SDCCAG8: variants seen among roughly 807,000 people sequenced by gnomAD.
SDCCAG8 encodes serologically defined colon cancer antigen 8.
In SDCCAG8, 74 loss-of-function variants were observed where a neutral mutation model predicts 101.8. The observed-to-expected ratio is 0.73, with a 90% CI of 0.60 to 0.88. The LOEUF is 0.88. Ranked by LOEUF, SDCCAG8 falls within the 40% of genes least tolerant of loss-of-function variation. The probability of loss-of-function intolerance (pLI) is 0.00; values close to 1 mark genes in which losing one functional copy is unlikely to be tolerated. For synonymous variants in SDCCAG8, 281 were observed against 292.9 expected (o/e 0.96, Z 0.41); for missense variants, 787 against 822.6 (o/e 0.96, Z 0.53).
rs377338960 is a variant in SDCCAG8, at chr1:243,393,056, G to A, written c.1616+14193G>A. Among the ~76,000 whole-genome samples the A allele has an allele frequency of 5.3e-5, 8 of 152,314 alleles. No homozygotes were observed. In the East Asian group the frequency reaches 1.5e-3, roughly 29 times the overall value. Reference sequence around the variant, plus strand: ...TAACATGCCAGAGGGAGATTAATGTGGAGAGTAAAATCTGTGAGCAACAAA... The same window carrying A: ...TAACATGCCAGAGGGAGATTAATGTAGAGAGTAAAATCTGTGAGCAACAAA... On this transcript the variant is annotated intron_variant, in intron 13 of 17. Coordinates refer to ENST00000366541, the MANE Select transcript of SDCCAG8 (RefSeq NM_006642.5).
At chr1:243,300,898 A>AT (rs1056479648) in intron 6 of SDCCAG8, among the ~76,000 whole-genome samples, 2 of 152,050 alleles carry the variant, frequency 1.3e-5, no homozygotes, top group African/African-American at 2.4e-5. Context: ...ATGTACCAGA[A>AT]TTTTTTTTGA....
chr1:243,292,391 C>G (rs529936736), intron 5 of SDCCAG8, among the ~76,000 whole-genome samples: 1 of 152,230 alleles, frequency 6.6e-6, no homozygotes, highest in South Asian at 2.1e-4. Flanking sequence ...GTCAGAAACC[C>G]GGGACTAAGA....
intron 16 of SDCCAG8, chr1:243,476,123 A>G (rs999043969): frequency 1.0e-6 from 1 of 985,472 alleles, no homozygotes; most frequent in Non-Finnish European, 1.2e-6. Context: ...TGCTCTTTGC[A>G]GAATTCCTTT....
At position 243,270,259 on chromosome 1, in the gene SDCCAG8, T is replaced by C. The variant is rs757796329; in HGVS notation, c.220+2T>C. The C allele has an allele frequency of 8.7e-6, 14 of 1,613,804 alleles. No individual in the cohort carries two copies. In the East Asian group the frequency reaches 2.9e-4, roughly 33 times the overall value. ...CCGAATTACAACAGAGCCATGCTGGTGAGTGTGAATGTCAATCCTAGTCTG... is the reference window on the plus strand; with the variant it reads ...CCGAATTACAACAGAGCCATGCTGGCGAGTGTGAATGTCAATCCTAGTCTG... On this transcript the variant is annotated splice_donor_variant, in intron 2 of 17. Coordinates refer to ENST00000366541, the MANE Select transcript of SDCCAG8 (RefSeq NM_006642.5). LOFTEE classifies it high-confidence loss of function.
At chr1:243,284,607 C>T (rs574850024) in intron 4 of SDCCAG8, among the ~76,000 whole-genome samples, 3 of 152,290 alleles carry the variant, frequency 2.0e-5, no homozygotes, top group East Asian at 1.9e-4. Flanking sequence ...CTCTCCCACA[C>T]GGAATGCAAG....
At chr1:243,499,185 T>C (rs1668856448) in intron 17 of SDCCAG8, among the ~76,000 whole-genome samples, 1 of 152,242 alleles carries the variant, frequency 6.6e-6, no homozygotes, top group Non-Finnish European at 1.5e-5. Context: ...CATTTGTATC[T>C]GCGTAAAACT....
At chr1:243,298,727 T>G (rs1404241228) in intron 6 of SDCCAG8, among the ~76,000 whole-genome samples, 1 of 152,230 alleles carries the variant, frequency 6.6e-6, no homozygotes, top group Admixed American at 6.5e-5. Context: ...GCACCATTTC[T>G]TGGAAAGGTA....
chr1:243,282,229 C>T (rs1373712023), intron 4 of SDCCAG8, among the ~76,000 whole-genome samples: 7 of 151,570 alleles, frequency 4.6e-5, no homozygotes, highest in East Asian at 1.9e-4. Flanking sequence ...TGCTGGTAGC[C>T]GTTGATTGAT....
At chr1:243,480,710 T>G in intron 16 of SDCCAG8, among the ~76,000 whole-genome samples, 1 of 88,010 alleles carries the variant, frequency 1.1e-5, no homozygotes, top group African/African-American at 4.6e-5. Flanking sequence ...GATGGATGGA[T>G]GGATGGATGG....
chr1:243,256,917 A>G (rs1203032193), intron 1 of SDCCAG8, among the ~76,000 whole-genome samples: 1 of 152,250 alleles, frequency 6.6e-6, no homozygotes, highest in Non-Finnish European at 1.5e-5. Context: ...AGATTTTCTT[A>G]CCACATTACC....
intron 9 of SDCCAG8, among the ~76,000 whole-genome samples, chr1:243,320,581 G>C (rs756609566): frequency 2.6e-5 from 4 of 152,156 alleles, no homozygotes; most frequent in Non-Finnish European, 2.9e-5. Flanking sequence ...GAGTTAGCCA[G>C]ACTTAGATTC....
chr1:243,434,528 C>A (rs1436821770), intron 16 of SDCCAG8, among the ~76,000 whole-genome samples: 1 of 152,192 alleles, frequency 6.6e-6, no homozygotes, highest in Non-Finnish European at 1.5e-5. Flanking sequence ...GAGTTTGTTT[C>A]ACTGGACCAC....
intron 5 of SDCCAG8, among the ~76,000 whole-genome samples, chr1:243,287,805 T>C (rs563415954): frequency 6.6e-6 from 1 of 152,304 alleles, no homozygotes; most frequent in South Asian, 2.1e-4. Flanking sequence ...TCAGTATTTA[T>C]GTAATGCCAA....
chr1:243,489,086 G>A lies in SDCCAG8; in HGVS notation c.2058G>A (p.Gln686=), dbSNP rs952300030. The A allele has an allele frequency of 3.1e-6, 5 of 1,613,272 alleles. No individual in the cohort carries two copies. In the African/African-American group the frequency reaches 4.0e-5, roughly 13 times the overall value. ...TGCAGCTCCTCAGCAAGCAGAACCAGCTTCTCCTGGAGAGGCAGAGCCTGT... is the reference window on the plus strand; with the variant it reads ...TGCAGCTCCTCAGCAAGCAGAACCAACTTCTCCTGGAGAGGCAGAGCCTGT... ...QLVQLLSKQN[Q]LLLERQSLSE... is the part of the protein sequence containing the mutation. The change falls in exon 17 of 18, where the codon CAG becomes CAA. Residue 686 remains glutamine (Q), a synonymous_variant. Transcript: ENST00000366541.
intron 13 of SDCCAG8, among the ~76,000 whole-genome samples, chr1:243,415,145 T>G (rs2080481121): frequency 6.6e-6 from 1 of 152,174 alleles, no homozygotes. Flanking sequence ...TATTCATATT[T>G]GTATTCATAT....
rs576433356 is a variant in SDCCAG8 at position 243,488,788 on chromosome 1, A to C, written c.1986-226A>C. Among the ~76,000 whole-genome samples the C allele has an allele frequency of 4.6e-5, 7 of 152,184 alleles. No individual in the cohort carries two copies. The East Asian group carries it at 1.4e-3, about 29-fold the overall frequency. On this transcript the variant is annotated intron_variant, in intron 16 of 17. Coordinates refer to ENST00000366541, the MANE Select transcript of SDCCAG8 (RefSeq NM_006642.5). The stretch of plus-strand genomic sequence containing the variant: ...CTTATCTGCGTGTTTTCTAATTGAT[A>C]GTGTACTGAGATGGCTCCCAGTTCC...
chr1:243,333,700 G>A (rs577739938), intron 10 of SDCCAG8, among the ~76,000 whole-genome samples: 3 of 152,002 alleles, frequency 2.0e-5, no homozygotes, highest in Admixed American at 1.3e-4. Context: ...TTTTTTTTCA[G>A]TCTTATTCTC....
intron 1 of SDCCAG8, 66 bp downstream of exon 1, chr1:243,256,306 C>T: frequency 7.3e-7 from 1 of 1,377,370 alleles, no homozygotes; most frequent in Non-Finnish European, 1.0e-6. Flanking sequence ...GGGAGCAGAC[C>T]AGGTGCGTTT....
At chr1:243,265,338 GCAAA>G (rs1369468101) in intron 1 of SDCCAG8, among the ~76,000 whole-genome samples, 2 of 152,190 alleles carry the variant, frequency 1.3e-5, no homozygotes, top group Non-Finnish European at 2.9e-5. Context: ...ATCAGTAGTT[GCAAA>G]CAAACAAACC....
Sources: allele counts gnomAD v4.1 joint callset (sites outside exome capture counted in the v4.1 genomes callset), GRCh38; gene constraint gnomAD v4.1.1; transcripts MANE v1.5; gene names NCBI Gene and HGNC (gene_info 2026-07-23, HGNC 2026-07-21).